CA14: variants seen among roughly 807,000 people sequenced by gnomAD.
CA14 encodes carbonic anhydrase 14.
A neutral mutation model predicts 48.8 loss-of-function variants in CA14; 44 were observed. That is an observed-to-expected ratio of 0.90 (90% confidence interval 0.71 to 1.16). CA14 has a LOEUF of 1.16. Among genes scored for constraint, CA14 ranks in the 50% most tolerant of loss-of-function variants. The probability of loss-of-function intolerance (pLI) is 0.00; values close to 1 mark genes in which losing one functional copy is unlikely to be tolerated. For missense variants in CA14, 386 were observed against 401.0 expected, an observed-to-expected ratio of 0.96 and a Z score of 0.32; for synonymous variants, 154 against 155.0, an observed-to-expected ratio of 0.99 and a Z score of 0.05.
chr1:150,263,567 C>A (rs985387588), intron 8 of CA14, 92 bp from the exon 9 acceptor site: 1 of 1,611,506 alleles, frequency 6.2e-7, no homozygotes, highest in South Asian at 1.1e-5. Context: ...AGGGTGCCCC[C>A]GGGGGATTCT....
At chr1:150,262,023 G>A in intron 3 of CA14, 135 bp from the exon 4 acceptor site, 2 of 939,402 alleles carry the variant, frequency 2.1e-6, no homozygotes, top group Non-Finnish European at 3.4e-6. Flanking sequence ...AAAAGCACTG[G>A]CCTATGGGAG....
intron 8 of CA14, 94 bp downstream of exon 8, chr1:150,263,513 G>C (rs1331175903): frequency 6.2e-7 from 1 of 1,606,116 alleles, no homozygotes; most frequent in Non-Finnish European, 8.5e-7. Context: ...AAAAGGGGAG[G>C]GGGTTTCTGG....
At chr1:150,260,444 G>A in intron 2 of CA14, 1 of 541,020 alleles carries the variant, frequency 1.8e-6, no homozygotes, top group East Asian at 3.5e-5. Flanking sequence ...AGGAAGCTGG[G>A]TGGGAACTCT....
intron 3 of CA14, 84 bp downstream of exon 3, chr1:150,261,722 T>C (rs890450823): frequency 5.9e-5 from 76 of 1,296,750 alleles, no homozygotes; most frequent in Non-Finnish European, 8.0e-5. Context: ...GGCATGATGA[T>C]GGGGTGTTCC....
intron 1 of CA14, among the ~76,000 whole-genome samples, chr1:150,259,280 T>C (rs2101826465): frequency 6.6e-6 from 1 of 152,294 alleles, no homozygotes; most frequent in South Asian, 2.1e-4. Context: ...GTAGTATGAA[T>C]ATTGCAGCAT....
Position 150,261,522 on chromosome 1 carries a change from C to G in CA14, c.140C>G (p.Pro47Arg). The change falls in exon 3 of 11, where the codon CCC (proline) becomes CGC (arginine). Residue 47 changes from proline (P) to arginine (R), a missense_variant. Physicochemically the swap from Pro to Arg is moderately radical, Grantham distance 103. Coordinates refer to ENST00000369111, the MANE Select transcript of CA14 (RefSeq NM_012113.3). ...GAGTGTGGAAACAATGCCCAGTCGC[C>G]CATCGATATTCAGACAGACAGTGTG... Reference protein sequence around the residue: ...YPECGNNAQSPIDIQTDSVTF... With the variant: ...YPECGNNAQSRIDIQTDSVTF... 1 of 1,614,138 alleles carries G rather than the reference C, an allele frequency of 6.2e-7. No individual in the cohort carries two copies.
rs75276456 is a variant in CA14, at chr1:150,263,610, G to C, written c.842-49G>C. ...ACAGCAGCAGAGAGTGCTGCTCCCA[G>C]CTGGGATGGGGATCTGAAGTCCCAC... On this transcript the variant is annotated intron_variant, in intron 8 of 10. Transcript: ENST00000369111. The C allele has an allele frequency of 1.1e-4, 175 of 1,612,920 alleles. No homozygotes were observed. In the African/African-American group the frequency reaches 2.1e-3, roughly 19 times the overall value.
chr1:150,263,393 G>A lies in CA14; in HGVS notation c.815G>A (p.Arg272His), dbSNP rs369770952. The change falls in exon 8 of 11, where the codon CGC becomes CAC. Residue 272 changes from arginine to histidine, a missense_variant. Arg to His is a conservative substitution (Grantham distance 29). Coordinates refer to ENST00000369111, the MANE Select transcript of CA14 (RefSeq NM_012113.3). ...NYRALQPLNQ[R>H]MVFASFIQAG... ...CGAGCCCTTCAGCCTCTCAATCAGC[G>A]CATGGTCTTTGCTTCTTTCATCCAA... The A allele has an allele frequency of 1.9e-5, 30 of 1,614,040 alleles. No homozygotes were observed. The highest frequency in any genetic ancestry group is 1.6e-4 in the Middle Eastern group (1 of 6,066).
Position 150,263,962 on chromosome 1 carries a change from T to TA in CA14, c.947+85dup, listed in dbSNP as rs1553848765. On this transcript the variant is annotated intron_variant, in intron 10 of 10. Coordinates refer to ENST00000369111, the MANE Select transcript of CA14 (RefSeq NM_012113.3). Reference sequence around the variant, plus strand: ...GGTGGGAGACGGAGTCTTGCTCTGTTACTCAGTCTGGAGTGCAGTGGTGTG... The same window carrying TA: ...GGTGGGAGACGGAGTCTTGCTCTGTTAACTCAGTCTGGAGTGCAGTGGTGTG... 3 of 999,352 alleles carry TA rather than the reference T, an allele frequency of 3.0e-6. No individual in the cohort carries two copies. In the Admixed American group the frequency reaches 6.4e-5, roughly 21 times the overall value. 61.9% of individuals were successfully genotyped at this position (999,352 alleles called of 1,614,324 possible). A position where few individuals can be genotyped will look rare whatever the true frequency, so the allele number is the denominator to read the frequency against.
At chr1:150,262,464 GA>G in intron 4 of CA14, 60 bp from the exon 5 acceptor site, 2 of 1,508,480 alleles carry the variant, frequency 1.3e-6, no homozygotes, top group East Asian at 4.5e-5. Flanking sequence ...TGGCAGCTAG[GA>G]TCAAGGCCTT....
At position 150,262,258 on chromosome 1, in the gene CA14, G is replaced by T. The variant is rs34714364; in HGVS notation, c.357G>T (p.Gly119=). 236,945 of 1,611,274 alleles carry T rather than the reference G, an allele frequency of 0.15. 19,653 individuals carry two copies. The highest frequency in any genetic ancestry group is 0.18 in the Middle Eastern group (1,064 of 6,044). ...ACTGGGGTCAGAAAGGATCCCCAGG[G>T]GGGTCAGAACACCAGATCAACAGTG... ...HLHWGQKGSP[G]GSEHQINSEA... is the part of the protein sequence containing the mutation. Residue 119 remains glycine, a synonymous_variant, in exon 4 of 11, where the codon GGG becomes GGT. Transcript: ENST00000369111.
At chr1:150,262,107 G>C (rs782598565) in intron 3 of CA14, 51 bp from the exon 4 acceptor site, 2 of 1,610,964 alleles carry the variant, frequency 1.2e-6, no homozygotes, top group South Asian at 2.2e-5. Flanking sequence ...CCCAGGAGTG[G>C]GAATGTATCC....
intron 8 of CA14, 40 bp from the exon 9 acceptor site, chr1:150,263,619 G>C: frequency 2.5e-6 from 4 of 1,613,128 alleles, no homozygotes; most frequent in African/African-American, 1.3e-5. Context: ...AGCTGGGATG[G>C]GGATCTGAAG....
intron 6 of CA14, 36 bp from the exon 7 acceptor site, chr1:150,263,006 C>G (rs368149759): frequency 5.6e-6 from 9 of 1,612,320 alleles, no homozygotes; most frequent in African/African-American, 2.7e-5. Flanking sequence ...CTAGGGCACA[C>G]TGAAAGGAAG....
At position 150,262,607 on chromosome 1, in the gene CA14, G is replaced by A. The variant is rs781866089; in HGVS notation, c.482G>A (p.Gly161Asp). Residue 161 changes from glycine to aspartate, a missense_variant, in exon 5 of 11, where the codon GGC becomes GAC. By Grantham distance (94) the Gly-to-Asp change is moderately conservative. Transcript: ENST00000369111. ...AERPQGLAVLGILIEVGETKN... is the reference protein window; with the variant it reads ...AERPQGLAVLDILIEVGETKN... ...AGGCCTCAGGGCCTGGCTGTCCTGG[G>A]CATCCTAATTGAGGTCAGTAGCCCC... The A allele has an allele frequency of 2.5e-6, 4 of 1,613,210 alleles. No homozygotes were observed. In the South Asian group the frequency reaches 4.4e-5, roughly 18 times the overall value.
At chr1:150,261,116 C>T (rs782224746) in intron 2 of CA14, 2 of 262,866 alleles carry the variant, frequency 7.6e-6, no homozygotes, top group South Asian at 1.3e-4. Flanking sequence ...AATCCCATCT[C>T]TCAGGGTATT....
chr1:150,264,543 T>C, intron 10 of CA14, 50 bp from the exon 11 acceptor site: 2 of 1,055,472 alleles, frequency 1.9e-6, no homozygotes, highest in Admixed American at 1.8e-5. Context: ...TCACCTCTAA[T>C]CTGCTTCACT....
chr1:150,260,680 T>C (rs1262385928), intron 2 of CA14: 1 of 189,338 alleles, frequency 5.3e-6, no homozygotes, highest in Non-Finnish European at 1.1e-5. Context: ...AAGAAGTGAA[T>C]GATGAGAAGT....
At position 150,264,960 on chromosome 1, in the gene CA14, CT is replaced by C. The variant is rs1317279397; in HGVS notation, c.*302del. 4.2e-5 allele frequency: 10 copies of C among 240,862 alleles called. No homozygotes were observed. The highest frequency in any genetic ancestry group is 7.3e-5 in the Non-Finnish European group (9 of 123,718). 14.9% of individuals were successfully genotyped at this position (240,862 alleles called of 1,614,324 possible). ...GATATACCCCAAAGTCCTCTACCCCCTCACTTTTATGGCCCTTTCCCTAGAT... is the reference window on the plus strand; with the variant it reads ...GATATACCCCAAAGTCCTCTACCCCCCACTTTTATGGCCCTTTCCCTAGAT... On this transcript the variant is annotated 3_prime_UTR_variant, in exon 11 of 11. Transcript: ENST00000369111.
Sources: allele counts gnomAD v4.1 joint callset (sites outside exome capture counted in the v4.1 genomes callset), GRCh38; gene constraint gnomAD v4.1.1; transcripts MANE v1.5; gene names NCBI Gene and HGNC (gene_info 2026-07-23, HGNC 2026-07-21).